AKAP19: variants seen among roughly 807,000 people sequenced by gnomAD.
AKAP19 encodes A-kinase anchoring protein 19.
the AKAP19 span, chr2:190,062,507 T>G: frequency 6.2e-7 from 1 of 1,613,552 alleles, no homozygotes; most frequent in Non-Finnish European, 8.5e-7. Flanking sequence ...CCACATTTTC[T>G]TTTTGCTCAC....
the AKAP19 span, among the ~76,000 whole-genome samples, chr2:189,997,602 G>T: frequency 1.3e-5 from 2 of 152,136 alleles, no homozygotes; most frequent in African/African-American, 2.4e-5. Flanking sequence ...GGCGAAGCTG[G>T]TCTCGCTCCC....
chr2:190,011,188 G>A, the AKAP19 span, among the ~76,000 whole-genome samples: 1 of 151,374 alleles, frequency 6.6e-6, no homozygotes, highest in Non-Finnish European at 1.5e-5. Flanking sequence ...CTCCCAAGTA[G>A]CTGGGATTAC....
At chr2:190,053,189 A>C in the AKAP19 span, among the ~76,000 whole-genome samples, 4 of 152,214 alleles carry the variant, frequency 2.6e-5, no homozygotes, top group South Asian at 8.3e-4. Context: ...GACATAAGCT[A>C]GTCAACCTTT....
At chr2:190,085,909 A>G in the AKAP19 span, among the ~76,000 whole-genome samples, 1 of 152,190 alleles carries the variant, frequency 6.6e-6, no homozygotes, top group African/African-American at 2.4e-5. Flanking sequence ...CTTGCACTAG[A>G]AACTACCTAA....
At chr2:190,017,213 C>T in the AKAP19 span, among the ~76,000 whole-genome samples, 1 of 151,946 alleles carries the variant, frequency 6.6e-6, no homozygotes, top group Non-Finnish European at 1.5e-5. Context: ...ATAATTGGGT[C>T]TTATTTATTT....
the AKAP19 span, among the ~76,000 whole-genome samples, chr2:190,124,643 G>A: frequency 1.3e-5 from 2 of 152,138 alleles, no homozygotes; most frequent in Admixed American, 6.5e-5. Context: ...CCAACAGTTC[G>A]AGGCTGCAGT....
At chr2:189,943,503 A>G in the AKAP19 span, among the ~76,000 whole-genome samples, 1 of 152,230 alleles carries the variant, frequency 6.6e-6, no homozygotes, top group South Asian at 2.1e-4. Flanking sequence ...GAGAACCTCT[A>G]CTACAGCAGT....
chr2:189,950,768 C>T, the AKAP19 span, among the ~76,000 whole-genome samples: 1 of 152,146 alleles, frequency 6.6e-6, no homozygotes, highest in South Asian at 2.1e-4. Context: ...CCACTAATGA[C>T]TTAAGTTCCC....
chr2:189,888,530 G>T, the AKAP19 span, among the ~76,000 whole-genome samples: 1 of 152,140 alleles, frequency 6.6e-6, no homozygotes. Flanking sequence ...ATTACTTTGG[G>T]CAGTATGGCC....
chr2:189,895,083 C>CA, the AKAP19 span, among the ~76,000 whole-genome samples: 1 of 151,724 alleles, frequency 6.6e-6, no homozygotes, highest in Non-Finnish European at 1.5e-5. Context: ...AAAGGACATG[C>CA]AATTGGTTAC....
At chr2:190,133,695 A>T in the AKAP19 span, among the ~76,000 whole-genome samples, 1 of 152,234 alleles carries the variant, frequency 6.6e-6, no homozygotes, top group South Asian at 2.1e-4. Flanking sequence ...AATCACATGG[A>T]TAAACCTTGA....
the AKAP19 span, among the ~76,000 whole-genome samples, chr2:190,047,567 A>T: frequency 6.6e-6 from 1 of 152,210 alleles, no homozygotes; most frequent in Non-Finnish European, 1.5e-5. Flanking sequence ...TTGAGAGAAG[A>T]TTATGATTTA....
the AKAP19 span, among the ~76,000 whole-genome samples, chr2:189,940,261 A>G: frequency 6.9e-6 from 1 of 144,006 alleles, no homozygotes; most frequent in Non-Finnish European, 1.5e-5. Context: ...CTTGGGCGAC[A>G]GAGCAAGACT....
At chr2:190,082,391 G>A in the AKAP19 span, among the ~76,000 whole-genome samples, 1 of 152,206 alleles carries the variant, frequency 6.6e-6, no homozygotes, top group East Asian at 1.9e-4. Context: ...GCCACCTGCA[G>A]GCTACAACCC....
At chr2:189,916,933 G>A in the AKAP19 span, among the ~76,000 whole-genome samples, 22 of 152,002 alleles carry the variant, frequency 1.4e-4, no homozygotes, top group African/African-American at 2.7e-4. Context: ...ATAGTTTTCC[G>A]TTTTACTCTT....
chr2:190,178,127 C>G, the AKAP19 span, among the ~76,000 whole-genome samples: 1 of 152,304 alleles, frequency 6.6e-6, no homozygotes, highest in South Asian at 2.1e-4. This position sits in a 1 kb window ranked among gnomAD's most constrained non-coding sequence, Gnocchi z 6.3. Context: ...CCTGTTGCCT[C>G]TATCCTTGTT....
the AKAP19 span, among the ~76,000 whole-genome samples, chr2:190,067,541 A>G: frequency 6.6e-6 from 1 of 152,188 alleles, no homozygotes; most frequent in Non-Finnish European, 1.5e-5. Context: ...AGAAATGTAA[A>G]TATTATTGTA....
chr2:189,892,324 T>C, the AKAP19 span, among the ~76,000 whole-genome samples: 1 of 152,194 alleles, frequency 6.6e-6, no homozygotes, highest in African/African-American at 2.4e-5. Flanking sequence ...TTTTGGTTTT[T>C]GGAATTTTCA....
chr2:190,115,776 A>C, the AKAP19 span, among the ~76,000 whole-genome samples: 1 of 152,170 alleles, frequency 6.6e-6, no homozygotes, highest in Non-Finnish European at 1.5e-5. Context: ...TCAGAGAATG[A>C]GGTGAGGAAT....
Sources: allele counts gnomAD v4.1 joint callset (sites outside exome capture counted in the v4.1 genomes callset), GRCh38; gene constraint gnomAD v4.1.1; non-coding constraint Gnocchi (gnomAD v3.1); transcripts MANE v1.5; gene names NCBI Gene and HGNC (gene_info 2026-07-23, HGNC 2026-07-21).